Variants in RANBP2 observed in about 807,000 individuals in gnomAD.
RANBP2 encodes E3 SUMO-protein ligase RanBP2.
RANBP2 carries 57 observed loss-of-function variants against 303.6 expected under a neutral mutation model. That is an observed-to-expected ratio of 0.19 (90% CI 0.15 to 0.23). RANBP2 has a LOEUF of 0.23. RANBP2 is among the 10% of genes least tolerant of loss of function. RANBP2 has a pLI of 1.00. For synonymous variants in RANBP2, 1,167 were observed against 1,301.5 expected, an observed-to-expected ratio of 0.90 and a Z score of 2.23; for missense variants, 3,138 against 3,780.8, an observed-to-expected ratio of 0.83 and a Z score of 4.46.
At chr2:108,980,671 G>A in the RANBP2 span, among the ~76,000 whole-genome samples, 1 of 152,112 alleles carries the variant, frequency 6.6e-6, no homozygotes, top group African/African-American at 2.4e-5. Context: ...ATAAGACGAC[G>A]TGTTAGCATA....
At chr2:108,975,188 C>T in the RANBP2 span, among the ~76,000 whole-genome samples, 2 of 152,182 alleles carry the variant, frequency 1.3e-5, no homozygotes, top group African/African-American at 4.8e-5. Context: ...GAGCTGCAGT[C>T]CAGCCTGTGT....
chr2:108,735,716 T>C lies in RANBP2; in HGVS notation c.590T>C (p.Leu197Ser). ...HCHEAERNIALRSSLEWNSCV... is the reference protein window; with the variant it reads ...HCHEAERNIASRSSLEWNSCV... Reference sequence around the variant, plus strand: ...CATGAGGCAGAGAGGAACATAGCTTTGCGTTCAAGTTTAGAATGGAATTCG... The same window carrying C: ...CATGAGGCAGAGAGGAACATAGCTTCGCGTTCAAGTTTAGAATGGAATTCG... The change falls in exon 5 of 29, where the codon TTG becomes TCG. Residue 197 changes from leucine to serine, a missense_variant. Coordinates refer to ENST00000283195, the MANE Select transcript of RANBP2 (RefSeq NM_006267.5). 6.3e-7 allele frequency: 1 copy of C among 1,597,620 alleles called. No homozygotes were observed. The highest frequency in any genetic ancestry group is 8.5e-7 in the Non-Finnish European group (1 of 1,179,780).
the RANBP2 span, among the ~76,000 whole-genome samples, chr2:109,696,285 A>G: frequency 6.6e-6 from 1 of 152,182 alleles, no homozygotes; most frequent in African/African-American, 2.4e-5. Flanking sequence ...ACTTTCTCCC[A>G]GATTTTCTTC....
At chr2:108,991,424 C>T in the RANBP2 span, among the ~76,000 whole-genome samples, 1 of 152,164 alleles carries the variant, frequency 6.6e-6, no homozygotes, top group Non-Finnish European at 1.5e-5. Flanking sequence ...ATCAAGACTG[C>T]AGAACATGGT....
the RANBP2 span, among the ~76,000 whole-genome samples, chr2:109,411,900 G>A: frequency 6.6e-6 from 1 of 152,210 alleles, no homozygotes; most frequent in Admixed American, 6.5e-5. Flanking sequence ...TCAAGTGTCA[G>A]CTGAAGGCCA....
At chr2:108,879,939 A>T in the RANBP2 span, among the ~76,000 whole-genome samples, 11 of 152,216 alleles carry the variant, frequency 7.2e-5, 1 homozygote, top group Admixed American at 5.2e-4. Flanking sequence ...TATTTTCAGC[A>T]GGGTGGTGGA....
At chr2:108,909,384 GA>G in the RANBP2 span, among the ~76,000 whole-genome samples, 1 of 151,922 alleles carries the variant, frequency 6.6e-6, no homozygotes, top group Non-Finnish European at 1.5e-5. Flanking sequence ...CAGCAGCTTG[GA>G]TCTGGCACAC....
chr2:109,579,041 T>G, the RANBP2 span, among the ~76,000 whole-genome samples: 1 of 152,152 alleles, frequency 6.6e-6, no homozygotes, highest in Non-Finnish European at 1.5e-5. Context: ...TTGTCAAGAC[T>G]AATCAATCAG....
At chr2:109,377,916 G>A in the RANBP2 span, among the ~76,000 whole-genome samples, 1 of 152,332 alleles carries the variant, frequency 6.6e-6, no homozygotes, top group East Asian at 1.9e-4. Context: ...AAGGCACAAC[G>A]ACAGCTCTCA....
the RANBP2 span, among the ~76,000 whole-genome samples, chr2:109,240,251 G>T: frequency 6.6e-6 from 1 of 152,158 alleles, no homozygotes; most frequent in African/African-American, 2.4e-5. Flanking sequence ...TATAATTTCA[G>T]CACTTTGGGA....
the RANBP2 span, among the ~76,000 whole-genome samples, chr2:109,385,877 A>G: frequency 6.8e-6 from 1 of 147,410 alleles, no homozygotes; most frequent in Non-Finnish European, 1.5e-5. Context: ...TTAAAAAGAG[A>G]TGGACGTTTG....
chr2:109,670,382 TGG>T, the RANBP2 span, among the ~76,000 whole-genome samples: 2 of 143,534 alleles, frequency 1.4e-5, no homozygotes, highest in Admixed American at 1.4e-4. Flanking sequence ...GGGGGCTGGT[TGG>T]GGATACTATC....
chr2:109,493,728 A>G, the RANBP2 span, among the ~76,000 whole-genome samples: 2 of 151,824 alleles, frequency 1.3e-5, no homozygotes, highest in African/African-American at 2.4e-5. Flanking sequence ...AACACACACC[A>G]TATACATTAT....
At chr2:109,640,779 C>T in the RANBP2 span, among the ~76,000 whole-genome samples, 1 of 152,078 alleles carries the variant, frequency 6.6e-6, no homozygotes, top group East Asian at 1.9e-4. Context: ...ACAGTCATAC[C>T]GAGTCCCTAA....
At chr2:109,630,765 A>G in the RANBP2 span, among the ~76,000 whole-genome samples, 3 of 152,218 alleles carry the variant, frequency 2.0e-5, no homozygotes, top group Non-Finnish European at 2.9e-5. Context: ...GTATGAGTAT[A>G]GAAAGTTTTC....
At chr2:109,476,693 T>A in the RANBP2 span, among the ~76,000 whole-genome samples, 6 of 152,054 alleles carry the variant, frequency 3.9e-5, no homozygotes, top group Non-Finnish European at 5.9e-5. Context: ...TCAGGGTGAG[T>A]CTGTAAAGTG....
At chr2:109,390,813 A>C in the RANBP2 span, among the ~76,000 whole-genome samples, 1 of 152,142 alleles carries the variant, frequency 6.6e-6, no homozygotes. Flanking sequence ...CTATGAGATG[A>C]GCCTGGCCCA....
intron 7 of RANBP2, among the ~76,000 whole-genome samples, chr2:108,743,965 A>G (rs914558690): frequency 2.3e-4 from 35 of 152,244 alleles, no homozygotes; most frequent in African/African-American, 8.2e-4. Flanking sequence ...AATGTAGGTT[A>G]TGTGCTGGCA....
the RANBP2 span, among the ~76,000 whole-genome samples, chr2:109,352,765 C>T: frequency 0.029 from 4,389 of 152,248 alleles, 157 homozygotes; most frequent in African/African-American, 0.089. Context: ...ATGCCTCCCA[C>T]GAAGGAGGCT....
Sources: allele counts gnomAD v4.1 joint callset (sites outside exome capture counted in the v4.1 genomes callset), GRCh38; gene constraint gnomAD v4.1.1; transcripts MANE v1.5; gene names NCBI Gene and HGNC (gene_info 2026-07-23, HGNC 2026-07-21).